Variants in CERT1 observed in about 807,000 individuals in gnomAD.
The protein encoded by CERT1 is ceramide transfer protein.
A neutral mutation model predicts 87.9 loss-of-function variants in CERT1; 31 were observed. The ratio of observed to expected loss-of-function variants is 0.35; its 90% CI spans 0.27 to 0.48. CERT1 has a LOEUF of 0.48. CERT1 is among the 20% of genes least tolerant of loss of function. The pLI, the probability that CERT1 is intolerant of heterozygous loss-of-function variation, is 0.99. For missense variants in CERT1, 487 were observed against 758.0 expected (o/e 0.64, Z 4.20); for synonymous variants, 289 against 250.9 (o/e 1.15, Z -1.44).
intron 3 of CERT1, among the ~76,000 whole-genome samples, chr5:75,429,002 G>T (rs1056812843): frequency 6.6e-6 from 1 of 151,548 alleles, no homozygotes; most frequent in Non-Finnish European, 1.5e-5. Flanking sequence ...TACACTAAGT[G>T]ACAGAAATTC....
intron 2 of CERT1, among the ~76,000 whole-genome samples, chr5:75,490,009 T>G (rs1230498137): frequency 6.6e-6 from 1 of 152,194 alleles, no homozygotes; most frequent in African/African-American, 2.4e-5. Context: ...TGGAATACTA[T>G]GCAGCCATAA....
At chr5:75,370,145 A>G (rs1761030951) in intron 17 of CERT1, 1 of 152,240 alleles carries the variant, frequency 6.6e-6, no homozygotes, top group South Asian at 2.1e-4. Context: ...ATCAAATTCA[A>G]CACAAGTCAG....
chr5:75,489,550 A>C (rs1300012016), intron 2 of CERT1, among the ~76,000 whole-genome samples: 1 of 152,240 alleles, frequency 6.6e-6, no homozygotes, highest in Non-Finnish European at 1.5e-5. Flanking sequence ...CAGATTTATA[A>C]GAAAAAAAAT....
chr5:75,452,871 T>C lies in CERT1; in HGVS notation c.348+6194A>G, dbSNP rs535728025. Among the ~76,000 whole-genome samples the C allele has an allele frequency of 3.9e-4, 60 of 152,284 alleles. 2 individuals carry two copies. The South Asian group carries it at 0.012, about 31-fold the overall frequency. ...AAAATAATTTAGCATTGTCTCAAAA[T>C]CATAAGGAGAAATGCAGAATATTAA... On this transcript the variant is annotated intron_variant, in intron 3 of 16. Transcript: ENST00000643780.
chr5:75,491,523 G>A (rs1030517653), intron 2 of CERT1, among the ~76,000 whole-genome samples: 5 of 151,986 alleles, frequency 3.3e-5, no homozygotes, highest in Admixed American at 6.6e-5. Context: ...AAAAAAAAAG[G>A]GTGGATTTAA....
In CERT1 at chr5:75,436,243, C is replaced by T. The variant is rs370829154; in HGVS notation, c.349-9765G>A. Among the ~76,000 whole-genome samples, 208 of 152,226 alleles carry T rather than the reference C, an allele frequency of 1.4e-3. 1 individual carries two copies. Among genetic ancestry groups the T allele is most frequent in the South Asian group, 7.0e-3 (34 of 4,826 alleles). On this transcript the variant is annotated intron_variant, in intron 3 of 16. Coordinates refer to ENST00000643780, the MANE Select transcript of CERT1 (RefSeq NM_001379029.1). ...AGAGACAGAGTTTCACCGTGTTAGC[C>T]AGGATGGTCTCGATCTCCTGACCTC...
intron 3 of CERT1, among the ~76,000 whole-genome samples, chr5:75,443,757 A>G (rs1295040910): frequency 1.3e-5 from 2 of 152,176 alleles, no homozygotes; most frequent in African/African-American, 4.8e-5. Flanking sequence ...AGGGCATTGA[A>G]TTATTATTGT....
At chr5:75,490,280 G>C (rs897962901) in intron 2 of CERT1, among the ~76,000 whole-genome samples, 2 of 151,790 alleles carry the variant, frequency 1.3e-5, no homozygotes, top group Admixed American at 6.6e-5. Flanking sequence ...AACCACCATG[G>C]CACATGTATA....
chr5:75,470,053 A>C (rs776887714), intron 2 of CERT1, among the ~76,000 whole-genome samples: 2 of 152,172 alleles, frequency 1.3e-5, no homozygotes, highest in East Asian at 3.8e-4. Flanking sequence ...ACACCTAAAT[A>C]TATAAAGCAT....
intron 3 of CERT1, among the ~76,000 whole-genome samples, chr5:75,446,181 T>C (rs1454039627): frequency 6.6e-6 from 1 of 152,228 alleles, no homozygotes; most frequent in Non-Finnish European, 1.5e-5. Context: ...TCTTAGGCTC[T>C]GTTCACTTCA....
intron 2 of CERT1, among the ~76,000 whole-genome samples, chr5:75,492,282 G>A (rs527339895): frequency 1.3e-5 from 2 of 152,280 alleles, no homozygotes; most frequent in East Asian, 3.9e-4. Context: ...GGAGGATCAT[G>A]AGCCCAGGAG....
chr5:75,496,774 G>A (rs186214274), intron 2 of CERT1, among the ~76,000 whole-genome samples: 3 of 152,338 alleles, frequency 2.0e-5, no homozygotes, highest in East Asian at 3.9e-4. Context: ...GTGGTTACCA[G>A]AGGTTGGGGA....
chr5:75,507,774 C>T (rs1404717476), intron 1 of CERT1, among the ~76,000 whole-genome samples: 1 of 152,106 alleles, frequency 6.6e-6, no homozygotes, highest in African/African-American at 2.4e-5. Context: ...AGTTTCTTTG[C>T]CTGTTGACTG....
At chr5:75,382,705 T>C (rs945182651) in intron 14 of CERT1, among the ~76,000 whole-genome samples, 3 of 151,774 alleles carry the variant, frequency 2.0e-5, no homozygotes, top group South Asian at 2.1e-4. Flanking sequence ...ATTTTGGTTA[T>C]CTCGTATATG....
chr5:75,440,887 T>A (rs1283297393), intron 3 of CERT1, among the ~76,000 whole-genome samples: 1 of 152,156 alleles, frequency 6.6e-6, no homozygotes. Context: ...AATTCAGGGC[T>A]TTTGATTACA....
chr5:75,441,822 A>G (rs1245270537), intron 3 of CERT1, among the ~76,000 whole-genome samples: 1 of 152,230 alleles, frequency 6.6e-6, no homozygotes, highest in African/African-American at 2.4e-5. Context: ...CTATGTACAC[A>G]TAGGTTGCTT....
intron 1 of CERT1, among the ~76,000 whole-genome samples, chr5:75,508,222 G>A (rs1041807592): frequency 1.3e-5 from 2 of 151,908 alleles, no homozygotes; most frequent in Non-Finnish European, 2.9e-5. Context: ...TTGTGACAGT[G>A]GTCAAGTTAC....
intron 12 of CERT1, among the ~76,000 whole-genome samples, chr5:75,387,436 A>G (rs1015127334): frequency 2.0e-5 from 3 of 151,838 alleles, no homozygotes; most frequent in African/African-American, 7.3e-5. Context: ...TATCAGCTTG[A>G]TCTTCTTAAA....
intron 2 of CERT1, among the ~76,000 whole-genome samples, chr5:75,466,227 A>C (rs973735513): frequency 6.6e-6 from 1 of 152,176 alleles, no homozygotes; most frequent in African/African-American, 2.4e-5. Context: ...ACAAGATAGA[A>C]GGAACTTGCA....
Sources: gnomAD v4.1 joint callset for allele counts (sites outside exome capture counted in the v4.1 genomes callset) on GRCh38, gnomAD v4.1.1 for gene constraint, MANE v1.5 for transcripts, NCBI Gene and HGNC (gene_info 2026-07-23, HGNC 2026-07-21) for gene names.